DCLK1: variants seen among roughly 807,000 people sequenced by gnomAD.
DCLK1 encodes the protein doublecortin like kinase 1, also known as serine/threonine-protein kinase DCLK1.
Under a neutral mutation model 86.2 loss-of-function variants are expected in DCLK1, and 16 were observed. The observed-to-expected ratio is 0.19, with a 90% CI of 0.13 to 0.28. The LOEUF is 0.28. Among genes scored for constraint, DCLK1 ranks in the 10% least tolerant of loss-of-function variants. The pLI, the probability that DCLK1 is intolerant of heterozygous loss-of-function variation, is 1.00. For missense variants in DCLK1, 590 were observed against 940.2 expected, an observed-to-expected ratio of 0.63 and a Z score of 4.87; for synonymous variants, 369 against 370.5, an observed-to-expected ratio of 1.00 and a Z score of 0.05.
intron 6 of DCLK1, among the ~76,000 whole-genome samples, chr13:35,852,781 C>T (rs1473964263): frequency 6.6e-6 from 1 of 152,166 alleles, no homozygotes; most frequent in Non-Finnish European, 1.5e-5. Context: ...GCTTTACATC[C>T]CTAAGCTGGA....
chr13:35,993,081 T>C (rs1200740767), intron 3 of DCLK1, among the ~76,000 whole-genome samples: 1 of 152,324 alleles, frequency 6.6e-6, no homozygotes, highest in African/African-American at 2.4e-5. Context: ...TGATGTAATA[T>C]GTGGGTCCAG....
intron 5 of DCLK1, among the ~76,000 whole-genome samples, chr13:35,859,088 T>C (rs1871241978): frequency 6.6e-6 from 1 of 152,264 alleles, no homozygotes. Context: ...GCTTTGTGAC[T>C]TATTTAATAG....
At chr13:35,831,686 T>C (rs1197058006) in intron 8 of DCLK1, among the ~76,000 whole-genome samples, 1 of 152,000 alleles carries the variant, frequency 6.6e-6, no homozygotes, top group Non-Finnish European at 1.5e-5. Flanking sequence ...TTTTTGAAAT[T>C]ATGTTCTTGA....
At chr13:35,914,377 A>G (rs867384238) in intron 4 of DCLK1, among the ~76,000 whole-genome samples, 4,121 of 111,438 alleles carry the variant, frequency 0.037, 287 homozygotes, top group African/African-American at 0.14. Flanking sequence ...ATGTATATAT[A>G]TATATATATA....
intron 2 of DCLK1, among the ~76,000 whole-genome samples, chr13:36,121,751 A>G (rs368423435): frequency 6.6e-6 from 1 of 152,098 alleles, no homozygotes; most frequent in African/African-American, 2.4e-5. Flanking sequence ...TCCTTCCAGG[A>G]TAAGGGGGCA....
intron 3 of DCLK1, among the ~76,000 whole-genome samples, chr13:35,988,525 T>TA (rs2153143216): frequency 6.6e-6 from 1 of 152,364 alleles, no homozygotes; most frequent in South Asian, 2.1e-4. Context: ...ATTCAAATCT[T>TA]ACAGCTTAAT....
intron 3 of DCLK1, among the ~76,000 whole-genome samples, chr13:36,110,938 C>A (rs562724384): frequency 6.7e-6 from 1 of 149,396 alleles, no homozygotes; most frequent in African/African-American, 2.5e-5. Flanking sequence ...TCACGCCATT[C>A]TCCTGCCTCA....
At chr13:36,011,899 A>G (rs1881288702) in intron 3 of DCLK1, among the ~76,000 whole-genome samples, 1 of 149,866 alleles carries the variant, frequency 6.7e-6, no homozygotes, top group Admixed American at 6.6e-5. Flanking sequence ...TGCTTTATGA[A>G]TCTGGGTGCT....
chr13:35,854,982 G>GTGA (rs1367582530), intron 5 of DCLK1, among the ~76,000 whole-genome samples: 1 of 152,148 alleles, frequency 6.6e-6, no homozygotes, highest in African/African-American at 2.4e-5. Context: ...ATAAATATAA[G>GTGA]CACAGATCAC....
chr13:36,007,707 G>A (rs1030565502), intron 3 of DCLK1, among the ~76,000 whole-genome samples: 5 of 152,132 alleles, frequency 3.3e-5, no homozygotes, highest in East Asian at 3.8e-4. Flanking sequence ...AGAAAAACTC[G>A]TAAGGAGAGA....
chr13:35,964,216 T>A (rs1362394468), intron 3 of DCLK1, among the ~76,000 whole-genome samples: 2 of 152,148 alleles, frequency 1.3e-5, no homozygotes, highest in African/African-American at 2.4e-5. Context: ...ATTTGTAAGA[T>A]AAGGGGGTGT....
intron 3 of DCLK1, among the ~76,000 whole-genome samples, chr13:35,995,926 AATTTT>A (rs1880449432): frequency 6.6e-6 from 1 of 151,514 alleles, no homozygotes; most frequent in Non-Finnish European, 1.5e-5. Flanking sequence ...CATCTATTTT[AATTTT>A]ATTATTTCTT....
chr13:35,825,430 T>G (rs1480160089), intron 10 of DCLK1, among the ~76,000 whole-genome samples: 1 of 152,046 alleles, frequency 6.6e-6, no homozygotes, highest in Non-Finnish European at 1.5e-5. Context: ...TAGAGAGAAT[T>G]CACAAAGGCA....
At chr13:35,780,428 A>G (rs1276397119) in intron 16 of DCLK1, among the ~76,000 whole-genome samples, 1 of 152,228 alleles carries the variant, frequency 6.6e-6, no homozygotes, top group African/African-American at 2.4e-5. Context: ...TGAAGAGTGC[A>G]TTATCACATT....
At chr13:36,103,402 C>CT (rs1372919112) in intron 3 of DCLK1, among the ~76,000 whole-genome samples, 2 of 89,840 alleles carry the variant, frequency 2.2e-5, no homozygotes, top group African/African-American at 1.1e-4. Context: ...AGACACCTGT[C>CT]TTAAAAAAAA....
chr13:35,850,618 G>A (rs1870544525), intron 6 of DCLK1: 1 of 1,327,614 alleles, frequency 7.5e-7, no homozygotes, highest in Non-Finnish European at 9.7e-7. Context: ...ATCATTTCAA[G>A]GTATGCAAAA....
At chr13:35,992,379 A>T (rs944000096) in intron 3 of DCLK1, among the ~76,000 whole-genome samples, 8 of 152,050 alleles carry the variant, frequency 5.3e-5, no homozygotes, top group Non-Finnish European at 8.8e-5. Context: ...ACAATGCAAC[A>T]TGTTGACAGT....
At chr13:35,956,345 CTTATATTCTA>C (rs1877973948) in intron 3 of DCLK1, among the ~76,000 whole-genome samples, 2 of 152,224 alleles carry the variant, frequency 1.3e-5, no homozygotes, top group African/African-American at 2.4e-5. Flanking sequence ...GAGAGGCAAA[CTTATATTCTA>C]TTGCACAAAA....
Position 35,816,140 on chromosome 13 carries a change from G to A in DCLK1, c.1555-5172C>T, listed in dbSNP as rs17052937. Among the ~76,000 whole-genome samples, 1,577 of 152,270 alleles carry A rather than the reference G, an allele frequency of 0.01. 51 individuals carry two copies. The East Asian group carries it at 0.11, about 11-fold the overall frequency. ...TAGGAATTATACATCCCAGGATTTTGCCAAAACTGTGGGAACTCAATGCCA... is the reference window on the plus strand; with the variant it reads ...TAGGAATTATACATCCCAGGATTTTACCAAAACTGTGGGAACTCAATGCCA... On this transcript the variant is annotated intron_variant, in intron 11 of 16. Transcript: ENST00000360631.
Sources: allele counts gnomAD v4.1 joint callset (sites outside exome capture counted in the v4.1 genomes callset), GRCh38; gene constraint gnomAD v4.1.1; transcripts MANE v1.5; gene names NCBI Gene and HGNC (gene_info 2026-07-23, HGNC 2026-07-21).